ITGA3: variants seen among roughly 807,000 people sequenced by gnomAD.
The protein encoded by ITGA3 is integrin alpha-3.
Under a neutral mutation model 131.1 loss-of-function variants are expected in ITGA3, and 70 were observed. The ratio of observed to expected loss-of-function variants is 0.53; its 90% CI spans 0.44 to 0.65. ITGA3 has a LOEUF of 0.65. Ranked by LOEUF, ITGA3 falls within the 30% of genes least tolerant of loss-of-function variation. The pLI is 0.00. For synonymous variants in ITGA3, 537 were observed against 571.6 expected (o/e 0.94, Z 0.86); for missense variants, 1,098 against 1,388.6 (o/e 0.79, Z 3.33).
chr17:50,074,669 C>T lies in ITGA3; in HGVS notation c.1469+135C>T, dbSNP rs1222038113. The stretch of plus-strand genomic sequence containing the variant: ...GATTCTTGGGGCCAGCATTTGCCCT[C>T]TCTACCCAACCTCATTAAAAAGCAA... On this transcript the variant is annotated intron_variant, in intron 10 of 25. Transcript: ENST00000320031. The T allele has an allele frequency of 2.4e-5, 16 of 658,016 alleles. 1 individual carries two copies. The Admixed American group carries it at 2.5e-4, about 10-fold the overall frequency. The allele number at this position is 658,016 out of a possible 1,614,324, so 40.8% of individuals were successfully genotyped here.
At chr17:50,084,008 G>A (rs998659910) in intron 23 of ITGA3, among the ~76,000 whole-genome samples, 10 of 151,516 alleles carry the variant, frequency 6.6e-5, no homozygotes, top group African/African-American at 2.2e-4. Flanking sequence ...AGGCCAAGGC[G>A]GGTGGATCAT....
At chr17:50,073,828 T>C in intron 7 of ITGA3, 88 bp from the exon 8 acceptor site, 2 of 924,064 alleles carry the variant, frequency 2.2e-6, no homozygotes, top group East Asian at 4.8e-5. Context: ...ATCAGTTCTG[T>C]GCTGGGCTGT....
chr17:50,064,429 G>A lies in ITGA3; in HGVS notation c.335-99G>A. 1.6e-6 allele frequency: 2 copies of A among 1,248,720 alleles called. No homozygotes were observed. Among genetic ancestry groups the A allele is most frequent in the Non-Finnish European group, 2.2e-6 (2 of 892,022 alleles). The allele number at this position is 1,248,720 out of a possible 1,614,324, so 77.4% of individuals were successfully genotyped here. Reference sequence around the variant, plus strand: ...GGGAGTTGGGAGGGCTGCCCTGTGGGTGGAGGGCCCAAGCGGGACCCACTC... The same window carrying A: ...GGGAGTTGGGAGGGCTGCCCTGTGGATGGAGGGCCCAAGCGGGACCCACTC... On this transcript the variant is annotated intron_variant, in intron 2 of 25. Coordinates refer to ENST00000320031, the MANE Select transcript of ITGA3 (RefSeq NM_002204.4). This position sits in a 1 kb window ranked among gnomAD's most constrained non-coding sequence, Gnocchi z 4.4.
chr17:50,063,959 A>G, intron 1 of ITGA3, 118 bp from the exon 2 acceptor site: 1 of 1,397,822 alleles, frequency 7.2e-7, no homozygotes, highest in Non-Finnish European at 9.6e-7. Flanking sequence ...TCTGGAGGGC[A>G]GGAGCTGGGG....
Position 50,080,244 on chromosome 17 carries a change from G to A in ITGA3, c.2707-18G>A, listed in dbSNP as rs1107439. 0.11 allele frequency: 160,197 copies of A among 1,481,240 alleles called. 11,495 individuals carry two copies. Among genetic ancestry groups the A allele is most frequent in the East Asian group, 0.32 (13,885 of 43,442 alleles). The allele number at this position is 1,481,240 out of a possible 1,614,324, so 91.8% of individuals were successfully genotyped here. ...AGACTCAGACTATGTCACGTCTTGCGTTCCCTGCCCGCCTCAGACCTGTGC... is the reference window on the plus strand; with the variant it reads ...AGACTCAGACTATGTCACGTCTTGCATTCCCTGCCCGCCTCAGACCTGTGC... On this transcript the variant is annotated intron_variant, in intron 21 of 25. Coordinates refer to ENST00000320031, the MANE Select transcript of ITGA3 (RefSeq NM_002204.4).
rs988479335 is a variant in ITGA3 at position 50,090,132 on chromosome 17, C to T, written c.*1054C>T. Reference sequence around the variant, plus strand: ...GCCCCAGAGAGACCCTGCAAGACCACGGAGGGAGCGACACTTGAATGTAGA... The same window carrying T: ...GCCCCAGAGAGACCCTGCAAGACCATGGAGGGAGCGACACTTGAATGTAGA... On this transcript the variant is annotated 3_prime_UTR_variant, in exon 26 of 26. Coordinates refer to ENST00000320031, the MANE Select transcript of ITGA3 (RefSeq NM_002204.4). 7.2e-6 allele frequency: 3 copies of T among 416,332 alleles called. No individual in the cohort carries two copies. The highest frequency in any genetic ancestry group is 2.0e-5 in the African/African-American group (1 of 49,140). The allele number at this position is 416,332 out of a possible 1,614,324, so 25.8% of individuals were successfully genotyped here.
chr17:50,080,711 T>G (rs950491525), intron 22 of ITGA3, among the ~76,000 whole-genome samples: 1 of 152,108 alleles, frequency 6.6e-6, no homozygotes, highest in Non-Finnish European at 1.5e-5. Context: ...GTCAGATGCT[T>G]CACCATCAGT....
At chr17:50,075,956 C>A (rs1290633984) in intron 12 of ITGA3, among the ~76,000 whole-genome samples, 1 of 152,120 alleles carries the variant, frequency 6.6e-6, no homozygotes, top group Non-Finnish European at 1.5e-5. Flanking sequence ...GGGCTTATTA[C>A]CTCCAAGGAA....
chr17:50,079,279 A>G (rs1205131751), intron 20 of ITGA3, 21 bp downstream of exon 20: 2 of 1,611,242 alleles, frequency 1.2e-6, no homozygotes, highest in Non-Finnish European at 1.7e-6. Context: ...TATCAGGGAT[A>G]TTTCATTTGC....
chr17:50,083,891 A>G (rs1337120210), intron 23 of ITGA3, among the ~76,000 whole-genome samples: 1 of 152,050 alleles, frequency 6.6e-6, no homozygotes, highest in African/African-American at 2.4e-5. Context: ...ATAAAGAAAT[A>G]TAAATCATAG....
intron 23 of ITGA3, 78 bp downstream of exon 23, chr17:50,081,486 A>T: frequency 9.6e-7 from 1 of 1,043,064 alleles, no homozygotes; most frequent in South Asian, 1.4e-5. Flanking sequence ...GAGGACACTG[A>T]CGCACTTCAG....
Position 50,088,116 on chromosome 17 carries a change from G to A in ITGA3, c.3046-109G>A, listed in dbSNP as rs76726086. 1,080 of 1,411,518 alleles carry A rather than the reference G, an allele frequency of 7.7e-4. 11 individuals carry two copies. In the African/African-American group the frequency reaches 0.014, roughly 18 times the overall value. 87.4% of individuals were successfully genotyped at this position (1,411,518 alleles called of 1,614,324 possible). ...GACCACACCACCAAGCTGGGACTGAGCCCCAGCCCCCAGGCTCCCCAGCCC... is the reference window on the plus strand; with the variant it reads ...GACCACACCACCAAGCTGGGACTGAACCCCAGCCCCCAGGCTCCCCAGCCC... On this transcript the variant is annotated intron_variant, in intron 24 of 25. Coordinates refer to ENST00000320031, the MANE Select transcript of ITGA3 (RefSeq NM_002204.4).
chr17:50,076,885 A>T (rs928269179), intron 14 of ITGA3, 89 bp from the exon 15 acceptor site: 11 of 1,459,062 alleles, frequency 7.5e-6, no homozygotes, highest in Non-Finnish European at 1.0e-5. Context: ...GGCTTTTCTC[A>T]CCTAGGAGAC....
At chr17:50,087,036 A>T (rs1909481439) in intron 23 of ITGA3, 1 of 152,152 alleles carries the variant, frequency 6.6e-6, no homozygotes, top group Non-Finnish European at 1.5e-5. Flanking sequence ...TGGGCAACAG[A>T]GCAAGACTCT....
At chr17:50,079,661 G>A in intron 21 of ITGA3, 104 bp downstream of exon 21, 2 of 1,256,674 alleles carry the variant, frequency 1.6e-6, no homozygotes, top group Non-Finnish European at 2.1e-6. Flanking sequence ...GTGATGAGGT[G>A]ATGAGGCCCC....
At chr17:50,071,694 G>C (rs1310810370) in intron 6 of ITGA3, 176 bp downstream of exon 6, 1 of 652,682 alleles carries the variant, frequency 1.5e-6, no homozygotes, top group Admixed American at 2.9e-5. Flanking sequence ...GCATTTGTGG[G>C]ACCCCTGCGT....
intron 23 of ITGA3, among the ~76,000 whole-genome samples, chr17:50,081,804 C>T (rs919174898): frequency 6.6e-6 from 1 of 152,094 alleles, no homozygotes; most frequent in African/African-American, 2.4e-5. Context: ...GGGGCTGGAA[C>T]GTGGGTCTCC....
chr17:50,088,649 G>A (rs2144326339), intron 25 of ITGA3, among the ~76,000 whole-genome samples: 1 of 152,292 alleles, frequency 6.6e-6, no homozygotes, highest in Admixed American at 6.5e-5. Flanking sequence ...TCAAGGGCAA[G>A]GCCAGGCCCC....
intron 1 of ITGA3, among the ~76,000 whole-genome samples, chr17:50,062,154 T>G (rs539160672): frequency 1.7e-4 from 26 of 152,246 alleles, no homozygotes; most frequent in Admixed American, 7.2e-4. Context: ...AATGCTCACA[T>G]TAGCTATGGC....
Sources: gnomAD v4.1 joint callset for allele counts (sites outside exome capture counted in the v4.1 genomes callset) on GRCh38, gnomAD v4.1.1 for gene constraint, Gnocchi (gnomAD v3.1) non-coding constraint, MANE v1.5 for transcripts, NCBI Gene and HGNC (gene_info 2026-07-23, HGNC 2026-07-21) for gene names.